GDPD1: variants seen among roughly 807,000 people sequenced by gnomAD.
GDPD1 encodes glycerophosphodiester phosphodiesterase domain containing 1.
GDPD1 carries 28 observed loss-of-function variants against 45.1 expected under a neutral mutation model. The observed-to-expected ratio is 0.62, with a 90% confidence interval of 0.46 to 0.85. GDPD1 has a LOEUF of 0.85. GDPD1 is among the 40% of genes least tolerant of loss of function. The pLI is 0.00. For missense variants in GDPD1, 256 were observed against 364.8 expected (o/e 0.70, Z 2.43); for synonymous variants, 139 against 131.4 (o/e 1.06, Z -0.40).
chr17:59,275,083 C>G lies in GDPD1; in HGVS notation c.*1310C>G. 8.0e-7 allele frequency: 1 copy of G among 1,242,534 alleles called. No homozygotes were observed. The highest frequency in any genetic ancestry group is 1.1e-6 in the Non-Finnish European group (1 of 880,006). 77.0% of individuals were successfully genotyped at this position (1,242,534 alleles called of 1,614,324 possible). On this transcript the variant is annotated 3_prime_UTR_variant, in exon 10 of 10. Transcript: ENST00000284116. Reference sequence around the variant, plus strand: ...TCTCGAACTCCTGACCTCAGGTGATCCACCCACCTCGGCCTCTCAAAGTGC... The same window carrying G: ...TCTCGAACTCCTGACCTCAGGTGATGCACCCACCTCGGCCTCTCAAAGTGC...
chr17:59,263,357 G>GA (rs371453999), intron 6 of GDPD1, among the ~76,000 whole-genome samples: 32 of 151,822 alleles, frequency 2.1e-4, no homozygotes, highest in African/African-American at 7.3e-4. Context: ...TGTAATCATA[G>GA]AACTTTTCCC....
chr17:59,262,181 A>C, intron 6 of GDPD1, among the ~76,000 whole-genome samples: 1 of 151,832 alleles, frequency 6.6e-6, no homozygotes, highest in African/African-American at 2.4e-5. Context: ...CGGCCTCCCA[A>C]AGTGCTGGGA....
intron 7 of GDPD1, among the ~76,000 whole-genome samples, chr17:59,269,390 G>A (rs1023506547): frequency 6.6e-6 from 1 of 151,190 alleles, no homozygotes; most frequent in African/African-American, 2.4e-5. Flanking sequence ...TGATAAACAT[G>A]TTTATTTTAT....
Position 59,222,565 on chromosome 17 carries a change from A to G in GDPD1, c.142+1814A>G, listed in dbSNP as rs181447713. Reference sequence around the variant, plus strand: ...GTTTCCCTCTTGTCGCCCGGGCTACAGTGTAGTGGTGCCATCTTGGCTCAC... The same window carrying G: ...GTTTCCCTCTTGTCGCCCGGGCTACGGTGTAGTGGTGCCATCTTGGCTCAC... On this transcript the variant is annotated intron_variant, in intron 1 of 9. Coordinates refer to ENST00000284116, the MANE Select transcript of GDPD1 (RefSeq NM_182569.4). 4.6e-3 allele frequency among the ~76,000 whole-genome samples: 552 copies of G among 119,240 alleles called. 9 individuals are homozygous for G. The highest frequency in any genetic ancestry group is 0.017 in the African/African-American group (517 of 30,496). 78.2% of individuals were successfully genotyped at this position (119,240 alleles called of 152,430 possible). A position where few individuals can be genotyped will look rare whatever the true frequency, so the allele number is the denominator to read the frequency against.
chr17:59,235,690 G>A (rs514267), intron 2 of GDPD1, among the ~76,000 whole-genome samples: 268 of 151,990 alleles, frequency 1.8e-3, no homozygotes, highest in African/African-American at 5.9e-3. Context: ...GGTGGCATGC[G>A]CCTGTAAGCC....
intron 3 of GDPD1, among the ~76,000 whole-genome samples, chr17:59,248,126 G>A (rs2047226290): frequency 6.6e-6 from 1 of 151,682 alleles, no homozygotes; most frequent in Non-Finnish European, 1.5e-5. Context: ...AGCTGGGTGC[G>A]GTAGCTCATG....
chr17:59,224,185 T>C (rs1198398115), intron 1 of GDPD1, among the ~76,000 whole-genome samples: 1 of 152,190 alleles, frequency 6.6e-6, no homozygotes, highest in East Asian at 1.9e-4. Flanking sequence ...ATGCATGCTA[T>C]TATAAAATCA....
At chr17:59,257,669 T>C (rs2047319713) in intron 5 of GDPD1, 82 bp from the exon 6 acceptor site, 2 of 844,654 alleles carry the variant, frequency 2.4e-6, no homozygotes, top group Admixed American at 2.1e-5. Context: ...AGATAGTCAA[T>C]TCTAATTCAT....
At chr17:59,237,527 G>C (rs1463348293) in intron 2 of GDPD1, among the ~76,000 whole-genome samples, 2 of 152,108 alleles carry the variant, frequency 1.3e-5, no homozygotes, top group Non-Finnish European at 2.9e-5. Context: ...GTATATTCTT[G>C]ATAGCATGGG....
At position 59,274,840 on chromosome 17, in the gene GDPD1, AAG is replaced by A. The variant is rs1296087337; in HGVS notation, c.*1069_*1070del. ...TCACTGGAATACAATCAATTAGTAA[AAG>A]ATTTTTTTTTTTTTTTTGACATGTA... On this transcript the variant is annotated 3_prime_UTR_variant, in exon 10 of 10. Coordinates refer to ENST00000284116, the MANE Select transcript of GDPD1 (RefSeq NM_182569.4). Among the ~76,000 whole-genome samples the A allele has an allele frequency of 5.0e-3, 753 of 150,806 alleles. 11 individuals carry two copies. The highest frequency in any genetic ancestry group is 0.017 in the African/African-American group (705 of 40,648).
chr17:59,221,445 C>A (rs1420620490), intron 1 of GDPD1, among the ~76,000 whole-genome samples: 2 of 135,404 alleles, frequency 1.5e-5, no homozygotes, highest in Admixed American at 7.5e-5. Context: ...TTGAACACTG[C>A]AATAAATAAA....
intron 3 of GDPD1, among the ~76,000 whole-genome samples, chr17:59,247,968 C>T (rs2047225157): frequency 6.6e-6 from 1 of 151,862 alleles, no homozygotes; most frequent in Non-Finnish European, 1.5e-5. Flanking sequence ...AAAGCTTTCT[C>T]TATCTTTAGC....
chr17:59,245,795 G>C (rs945278019), intron 3 of GDPD1, among the ~76,000 whole-genome samples: 6 of 152,030 alleles, frequency 3.9e-5, no homozygotes, highest in Non-Finnish European at 8.8e-5. Context: ...GATCAGGCTA[G>C]GCGACATAGC....
At chr17:59,248,682 A>C in intron 3 of GDPD1, 58 bp from the exon 4 acceptor site, 1 of 1,228,182 alleles carries the variant, frequency 8.1e-7, no homozygotes, top group African/African-American at 1.5e-5. Flanking sequence ...AATGTAACAC[A>C]TAAAAATCTT....
chr17:59,239,888 A>G (rs552282687), intron 2 of GDPD1, among the ~76,000 whole-genome samples: 3 of 151,222 alleles, frequency 2.0e-5, no homozygotes, highest in East Asian at 3.9e-4. Flanking sequence ...GCATGCCTCC[A>G]TGCCCGGCTA....
Position 59,220,545 on chromosome 17 carries a change from G to A in GDPD1, c.-65G>A. The A allele has an allele frequency of 1.9e-6, 3 of 1,558,022 alleles. No individual in the cohort carries two copies. The highest frequency in any genetic ancestry group is 2.3e-5 in the South Asian group (2 of 85,988). ...TCGAGCAGCCGCCGCCGCCGCCGTC[G>A]TTGCTACTGCCGCAGCGGAGTTCAG... On this transcript the variant is annotated 5_prime_UTR_variant, in exon 1 of 10. Coordinates refer to ENST00000284116, the MANE Select transcript of GDPD1 (RefSeq NM_182569.4).
intron 4 of GDPD1, among the ~76,000 whole-genome samples, chr17:59,256,466 A>T (rs1373236275): frequency 1.3e-5 from 2 of 152,220 alleles, no homozygotes; most frequent in Non-Finnish European, 2.9e-5. Flanking sequence ...TCAACACATT[A>T]CTGATTTAGT....
chr17:59,224,050 T>C (rs1309771594), intron 1 of GDPD1, among the ~76,000 whole-genome samples: 2 of 152,208 alleles, frequency 1.3e-5, no homozygotes. Context: ...TTGACATCAT[T>C]TAATTCTTAA....
At chr17:59,245,636 T>A (rs1050158299) in intron 3 of GDPD1, 87 bp downstream of exon 3, 6 of 982,236 alleles carry the variant, frequency 6.1e-6, no homozygotes, top group Admixed American at 2.7e-5. Context: ...CAGCAAAAAA[T>A]TTCTAATATT....
Sources: gnomAD v4.1 joint callset for allele counts (sites outside exome capture counted in the v4.1 genomes callset) on GRCh38, gnomAD v4.1.1 for gene constraint, MANE v1.5 for transcripts, NCBI Gene and HGNC (gene_info 2026-07-23, HGNC 2026-07-21) for gene names.